ADGRL3: variants seen among roughly 807,000 people sequenced by gnomAD.
The protein encoded by ADGRL3 is adhesion G protein-coupled receptor L3.
In ADGRL3, 62 loss-of-function variants were observed where a neutral mutation model predicts 153.5. The ratio of observed to expected loss-of-function variants is 0.40; its 90% CI spans 0.33 to 0.50. The LOEUF is 0.50. ADGRL3 is among the 20% of genes least tolerant of loss of function. The probability of loss-of-function intolerance (pLI) is 0.47; values close to 1 mark genes in which losing one functional copy is unlikely to be tolerated. For synonymous variants in ADGRL3, 710 were observed against 672.5 expected (o/e 1.06, Z -0.86); for missense variants, 1,641 against 1,859.4 (o/e 0.88, Z 2.16).
At chr4:61,809,307 A>G (rs368801386) in intron 8 of ADGRL3, among the ~76,000 whole-genome samples, 3 of 152,156 alleles carry the variant, frequency 2.0e-5, no homozygotes, top group Non-Finnish European at 2.9e-5. Context: ...GTTTATTGAT[A>G]TCTTCTTTTA....
At chr4:61,362,944 C>T (rs1166252690) in intron 1 of ADGRL3, among the ~76,000 whole-genome samples, 2 of 152,078 alleles carry the variant, frequency 1.3e-5, no homozygotes, top group Non-Finnish European at 2.9e-5. Flanking sequence ...CTTTGTATAG[C>T]CATTTACCAA....
chr4:61,568,101 G>C (rs1031386229), intron 4 of ADGRL3, among the ~76,000 whole-genome samples: 1 of 151,726 alleles, frequency 6.6e-6, no homozygotes. Context: ...ATTTATCTTT[G>C]AATCTAGCAA....
At chr4:61,903,442 C>A (rs1001973552) in intron 11 of ADGRL3, among the ~76,000 whole-genome samples, 3 of 152,052 alleles carry the variant, frequency 2.0e-5, no homozygotes, top group African/African-American at 4.8e-5. Context: ...GTATAAGATT[C>A]ATCTTTTATT....
intron 6 of ADGRL3, among the ~76,000 whole-genome samples, chr4:61,699,309 T>G (rs552407038): frequency 6.6e-6 from 1 of 152,288 alleles, no homozygotes; most frequent in Admixed American, 6.5e-5. Flanking sequence ...TCCAAAAGGA[T>G]GTAAATTTTT....
intron 8 of ADGRL3, among the ~76,000 whole-genome samples, chr4:61,749,639 C>A (rs1186028659): frequency 6.6e-6 from 1 of 151,346 alleles, no homozygotes. Flanking sequence ...TATTCTCATT[C>A]ATAGGTGGGA....
At chr4:61,826,707 A>T (rs1341450527) in intron 9 of ADGRL3, among the ~76,000 whole-genome samples, 2 of 152,132 alleles carry the variant, frequency 1.3e-5, no homozygotes, top group Non-Finnish European at 2.9e-5. Context: ...ACGGTGGAGA[A>T]TGACTTAGAG....
intron 19 of ADGRL3, among the ~76,000 whole-genome samples, 177 bp from the exon 20 acceptor site, chr4:61,996,114 T>A (rs990365920): frequency 3.3e-5 from 5 of 152,130 alleles, no homozygotes; most frequent in African/African-American, 1.2e-4. Context: ...ACTCCATCAA[T>A]AGTGCTGTCA....
rs1326883244 is a variant in ADGRL3 at position 61,813,709 on chromosome 4, A to G, written c.1400-100A>G. On this transcript the variant is annotated intron_variant, in intron 8 of 26. Transcript: ENST00000683033. ...GTCTACTCTTTAATTTAGGCTATTA[A>G]TTCAGTTTGGAGTGAAATAGTGTTA... 5.1e-6 allele frequency: 7 copies of G among 1,376,708 alleles called. No homozygotes were observed. The Admixed American group carries it at 6.5e-5, about 13-fold the overall frequency. The allele number at this position is 1,376,708 out of a possible 1,614,324, so 85.3% of individuals were successfully genotyped here.
At chr4:62,010,315 C>T (rs762973534) in intron 21 of ADGRL3, among the ~76,000 whole-genome samples, 2 of 152,056 alleles carry the variant, frequency 1.3e-5, no homozygotes, top group Non-Finnish European at 1.5e-5. Flanking sequence ...CACACACCTT[C>T]CCCCTCAACA....
chr4:61,612,126 CAAAT>C lies in ADGRL3; in HGVS notation c.473+24690_473+24693del, dbSNP rs558450326. The stretch of plus-strand genomic sequence containing the variant: ...AAAATGTTCCCATATAAAAAACAAA[CAAAT>C]AAAAAATAACTACCTTTATGCTAGT... On this transcript the variant is annotated intron_variant, in intron 5 of 26. Transcript: ENST00000683033. Among the ~76,000 whole-genome samples the C allele has an allele frequency of 6.2e-4, 94 of 152,024 alleles. 2 individuals are homozygous for C. The East Asian group carries it at 0.017, about 27-fold the overall frequency.
intron 4 of ADGRL3, among the ~76,000 whole-genome samples, chr4:61,565,048 G>A (rs188381146): frequency 5.3e-5 from 8 of 152,248 alleles, no homozygotes; most frequent in African/African-American, 1.9e-4. Context: ...TTGAAATATT[G>A]CAAGAATGAC....
At chr4:61,643,806 A>C (rs1302332910) in intron 5 of ADGRL3, among the ~76,000 whole-genome samples, 13 of 145,288 alleles carry the variant, frequency 8.9e-5, no homozygotes, top group African/African-American at 3.1e-4. Context: ...GGCCTCATAA[A>C]ATGAGTTAGG....
chr4:61,645,217 G>A (rs2150269300), intron 5 of ADGRL3, among the ~76,000 whole-genome samples: 2 of 152,300 alleles, frequency 1.3e-5, no homozygotes, highest in Admixed American at 6.5e-5. Flanking sequence ...ACAGCACACT[G>A]ATGGGTCTTG....
intron 9 of ADGRL3, among the ~76,000 whole-genome samples, chr4:61,886,544 A>T (rs1389067180): frequency 6.6e-6 from 1 of 152,214 alleles, no homozygotes; most frequent in Non-Finnish European, 1.5e-5. Flanking sequence ...AAAGGAAAAT[A>T]TGAAGGAGAA....
At chr4:61,451,375 G>C (rs1392974018) in intron 2 of ADGRL3, among the ~76,000 whole-genome samples, 1 of 152,038 alleles carries the variant, frequency 6.6e-6, no homozygotes, top group Non-Finnish European at 1.5e-5. Flanking sequence ...AGTTAGCTCT[G>C]AATGAGGAAG....
At chr4:61,547,530 T>C (rs981730699) in intron 4 of ADGRL3, among the ~76,000 whole-genome samples, 4 of 152,078 alleles carry the variant, frequency 2.6e-5, no homozygotes, top group Admixed American at 6.6e-5. Context: ...TCTGTTCCTG[T>C]GTTAGTTTAC....
chr4:61,382,013 A>G (rs1222590437), intron 1 of ADGRL3, among the ~76,000 whole-genome samples: 1 of 151,938 alleles, frequency 6.6e-6, no homozygotes, highest in African/African-American at 2.4e-5. Flanking sequence ...ATTAGTGAAT[A>G]GCTTTCACTA....
At chr4:61,547,042 A>G (rs2098717012) in intron 4 of ADGRL3, among the ~76,000 whole-genome samples, 1 of 152,212 alleles carries the variant, frequency 6.6e-6, no homozygotes, top group Non-Finnish European at 1.5e-5. Context: ...TTCTGAGAGA[A>G]TCAATTAGCT....
intron 5 of ADGRL3, among the ~76,000 whole-genome samples, chr4:61,654,826 G>A (rs1009578572): frequency 1.3e-5 from 2 of 150,188 alleles, no homozygotes; most frequent in Non-Finnish European, 1.5e-5. Flanking sequence ...GAACCCATGC[G>A]GCAGAGGTTG....
Sources: allele counts gnomAD v4.1 joint callset (sites outside exome capture counted in the v4.1 genomes callset), GRCh38; gene constraint gnomAD v4.1.1; transcripts MANE v1.5; gene names NCBI Gene and HGNC (gene_info 2026-07-23, HGNC 2026-07-21).